APAF1: variants seen among roughly 807,000 people sequenced by gnomAD.
APAF1 encodes apoptotic peptidase activating factor 1, also known as apoptotic protease-activating factor 1.
APAF1 carries 91 observed loss-of-function variants against 152.4 expected under a neutral mutation model. The ratio of observed to expected loss-of-function variants is 0.60; its 90% CI spans 0.50 to 0.71. The LOEUF is 0.71. Ranked by LOEUF, APAF1 falls within the 30% of genes least tolerant of loss-of-function variation. APAF1 has a pLI of 0.00. For missense variants in APAF1, 1,283 were observed against 1,472.0 expected (o/e 0.87, Z 2.10); for synonymous variants, 484 against 494.1 (o/e 0.98, Z 0.27).
rs775615293 is a variant in APAF1 at position 98,666,177 on chromosome 12, C to T, written c.1195-13C>T. ...ACTTTTGTGGCATATTAAATACTTA[C>T]AACAATTCCTAGGTGTTATGTATTC... On this transcript the variant is annotated splice_polypyrimidine_tract_variant and intron_variant, in intron 8 of 26. Coordinates refer to ENST00000551964, the MANE Select transcript of APAF1 (RefSeq NM_181861.2). 4.8e-5 allele frequency: 78 copies of T among 1,612,332 alleles called. No individual in the cohort carries two copies. Among genetic ancestry groups the T allele is most frequent in the Non-Finnish European group, 6.3e-5 (74 of 1,178,656 alleles).
rs560034345 is a variant in APAF1, at chr12:98,647,273, G to A, written c.-41-1046G>A. On this transcript the variant is annotated intron_variant, in intron 1 of 26. Transcript: ENST00000551964. Reference sequence around the variant, plus strand: ...TGTACTAAAAAAAAAAAAAAAATAAGACAAGGTGGGGGAGAAATCCCAAAT... The same window carrying A: ...TGTACTAAAAAAAAAAAAAAAATAAAACAAGGTGGGGGAGAAATCCCAAAT... 6.7e-3 allele frequency among the ~76,000 whole-genome samples: 989 copies of A among 148,620 alleles called. 13 individuals are homozygous for A. The highest frequency in any genetic ancestry group is 0.023 in the African/African-American group (928 of 40,672).
At chr12:98,686,904 G>T (rs969001448) in intron 16 of APAF1, 31 bp downstream of exon 16, 1 of 1,600,474 alleles carries the variant, frequency 6.2e-7, no homozygotes, top group Middle Eastern at 1.7e-4. Context: ...AAAATAGGTT[G>T]TATTTTATGG....
At chr12:98,665,279 T>TATATATATATATATATATATACATATATA (rs1491328899) in intron 7 of APAF1, among the ~76,000 whole-genome samples, 1 of 65,626 alleles carries the variant, frequency 1.5e-5, no homozygotes, top group Non-Finnish European at 2.9e-5. Flanking sequence ...TATATATATA[T>TATATATATATATATATATATACATATATA]TTTTTTTTTT....
Position 98,723,619 on chromosome 12 carries a change from GTT to G in APAF1, c.3205-5_3205-4del, listed in dbSNP as rs199829267. 8,689 of 1,350,124 alleles carry G rather than the reference GTT, an allele frequency of 6.4e-3. No individual in the cohort carries two copies. Among genetic ancestry groups the G allele is most frequent in the East Asian group, 0.01 (416 of 41,224 alleles). 83.6% of individuals were successfully genotyped at this position (1,350,124 alleles called of 1,614,324 possible). A position where few individuals can be genotyped will look rare whatever the true frequency, so the allele number is the denominator to read the frequency against. On this transcript the variant is annotated intron_variant, in intron 23 of 26. Coordinates refer to ENST00000551964, the MANE Select transcript of APAF1 (RefSeq NM_181861.2). ...TTCTTAAAAGTGTCAACCTCCAAGT[GTT>G]TTTTTTTTTTTTTTAAGGTATGGAA... is the stretch of plus-strand genomic sequence containing the variant.
At chr12:98,708,324 A>G (rs1208720699) in intron 19 of APAF1, among the ~76,000 whole-genome samples, 1 of 152,224 alleles carries the variant, frequency 6.6e-6, no homozygotes, top group East Asian at 1.9e-4. Context: ...ACACTGGGTT[A>G]AGCAACCTGC....
chr12:98,649,092 C>G (rs1234258392), intron 3 of APAF1: 2 of 454,960 alleles, frequency 4.4e-6, no homozygotes, highest in African/African-American at 2.1e-5. Context: ...GTTTATTTTC[C>G]AGTTCTATGT....
chr12:98,647,705 GTT>G (rs66849928), intron 1 of APAF1, among the ~76,000 whole-genome samples: 114 of 105,520 alleles, frequency 1.1e-3, no homozygotes, highest in African/African-American at 2.3e-3. Flanking sequence ...TCATGTTTCT[GTT>G]TTTTTTTTTT....
rs139401961 is a variant in APAF1 at position 98,728,030 on chromosome 12, A to G, written c.3600+714A>G. ...GAAAAGAAAAAAAAAGGCAGTTACT[A>G]TTATCCCCATTTTGTAGTGATGAAA... is the stretch of plus-strand genomic sequence containing the variant. On this transcript the variant is annotated intron_variant, in intron 26 of 26. Coordinates refer to ENST00000551964, the MANE Select transcript of APAF1 (RefSeq NM_181861.2). Among the ~76,000 whole-genome samples the G allele has an allele frequency of 5.8e-4, 88 of 152,090 alleles. 1 individual carries two copies. In the East Asian group the frequency reaches 0.014, roughly 25 times the overall value.
At chr12:98,677,192 C>T (rs900008598) in intron 12 of APAF1, among the ~76,000 whole-genome samples, 3 of 152,152 alleles carry the variant, frequency 2.0e-5, no homozygotes, top group Non-Finnish European at 4.4e-5. Flanking sequence ...ACATTTGTAA[C>T]ACGTGACAGG....
intron 4 of APAF1, among the ~76,000 whole-genome samples, chr12:98,654,914 G>T (rs2097654647): frequency 7.9e-6 from 1 of 127,010 alleles, no homozygotes; most frequent in African/African-American, 3.0e-5. Context: ...ATAGTGGAGG[G>T]AAGGTCAGCA....
At chr12:98,669,110 A>G (rs1409978494) in intron 10 of APAF1, among the ~76,000 whole-genome samples, 1 of 152,152 alleles carries the variant, frequency 6.6e-6, no homozygotes, top group Non-Finnish European at 1.5e-5. Flanking sequence ...TATTGGAATG[A>G]TGGTATTCCA....
intron 4 of APAF1, among the ~76,000 whole-genome samples, chr12:98,657,024 A>G (rs1205934811): frequency 6.6e-6 from 1 of 152,116 alleles, no homozygotes; most frequent in Non-Finnish European, 1.5e-5. Flanking sequence ...GTCATCCAAA[A>G]CCTTAACCTC....
At chr12:98,657,740 T>C (rs981324462) in intron 4 of APAF1, among the ~76,000 whole-genome samples, 14 of 152,328 alleles carry the variant, frequency 9.2e-5, no homozygotes, top group African/African-American at 3.4e-4. Flanking sequence ...ATTGATACTT[T>C]AAGTTTGAAT....
At chr12:98,678,893 G>T (rs71462245) in intron 13 of APAF1, among the ~76,000 whole-genome samples, 1 of 152,216 alleles carries the variant, frequency 6.6e-6, no homozygotes, top group African/African-American at 2.4e-5. Flanking sequence ...GAAGCCAAGG[G>T]GGTGCTGAGG....
At chr12:98,677,365 G>C in intron 12 of APAF1, 60 bp from the exon 13 acceptor site, 1 of 1,567,466 alleles carries the variant, frequency 6.4e-7, no homozygotes. Context: ...AGTACTGAAA[G>C]AAAATAGTTA....
Position 98,704,459 on chromosome 12 carries a change from T to G in APAF1, c.2595+960T>G, listed in dbSNP as rs190987686. Among the ~76,000 whole-genome samples, 65 of 152,334 alleles carry G rather than the reference T, an allele frequency of 4.3e-4. 1 individual carries two copies. The highest frequency in any genetic ancestry group is 1.5e-3 in the African/African-American group (62 of 41,576). Reference sequence around the variant, plus strand: ...GACTACTGCAAGCACTTCTTCAGTGTTCTCTGCTTATTTAGCAAATTTTAG... The same window carrying G: ...GACTACTGCAAGCACTTCTTCAGTGGTCTCTGCTTATTTAGCAAATTTTAG... On this transcript the variant is annotated intron_variant, in intron 18 of 26. Coordinates refer to ENST00000551964, the MANE Select transcript of APAF1 (RefSeq NM_181861.2).
intron 4 of APAF1, among the ~76,000 whole-genome samples, chr12:98,652,526 A>G (rs1010323404): frequency 5.4e-5 from 8 of 147,362 alleles, no homozygotes; most frequent in Non-Finnish European, 7.5e-5. Context: ...TTATTTGTCT[A>G]TTTTCCATTG....
Position 98,666,246 on chromosome 12 carries a change from GTTTGTAAAT to G in APAF1, c.1252_1260del (p.Phe418_Asn420del). The stretch of plus-strand genomic sequence containing the variant: ...AAGAAGTTGAAGACATACTGCAGGA[GTTTGTAAAT>G]AAGTCTCTTTTATTCTGTGATCGGA... On this transcript the variant is annotated inframe_deletion, in exon 9 of 27. Coordinates refer to ENST00000551964, the MANE Select transcript of APAF1 (RefSeq NM_181861.2). The G allele has an allele frequency of 6.2e-7, 1 of 1,613,952 alleles. No individual in the cohort carries two copies. Among genetic ancestry groups the G allele is most frequent in the Non-Finnish European group, 8.5e-7 (1 of 1,179,886 alleles).
chr12:98,725,662 C>T (rs1203628557), intron 25 of APAF1, 122 bp downstream of exon 25: 2 of 1,358,692 alleles, frequency 1.5e-6, no homozygotes, highest in Non-Finnish European at 2.1e-6. Context: ...TTGGATGAGG[C>T]ATTCTTTTTG....
Sources: gnomAD v4.1 joint callset for allele counts (sites outside exome capture counted in the v4.1 genomes callset) on GRCh38, gnomAD v4.1.1 for gene constraint, MANE v1.5 for transcripts, NCBI Gene and HGNC (gene_info 2026-07-23, HGNC 2026-07-21) for gene names.